TAFA1: variants seen among roughly 807,000 people sequenced by gnomAD.
TAFA1 encodes the protein TAFA chemokine like family member 1.
Under a neutral mutation model 18.5 loss-of-function variants are expected in TAFA1, and 4 were observed. That is an observed-to-expected ratio of 0.22 (90% CI 0.11 to 0.49). The LOEUF (loss-of-function observed/expected upper bound fraction) is 0.49. Among genes scored for constraint, TAFA1 ranks in the 20% least tolerant of loss-of-function variants. TAFA1 has a pLI of 0.98. For synonymous variants in TAFA1, 56 were observed against 55.2 expected, an observed-to-expected ratio of 1.01 and a Z score of -0.06; for missense variants, 147 against 169.0, an observed-to-expected ratio of 0.87 and a Z score of 0.72.
intron 2 of TAFA1, among the ~76,000 whole-genome samples, chr3:68,237,214 A>C (rs1338605107): frequency 6.6e-6 from 1 of 152,180 alleles, no homozygotes; most frequent in Non-Finnish European, 1.5e-5. Context: ...CTTCTGGTTC[A>C]CAGATGGTGT....
At chr3:68,048,769 T>C (rs1575590880) in intron 2 of TAFA1, among the ~76,000 whole-genome samples, 1 of 152,176 alleles carries the variant, frequency 6.6e-6, no homozygotes, top group South Asian at 2.1e-4. Flanking sequence ...ATTCCATTGA[T>C]GTTGCTGCAA....
intron 2 of TAFA1, among the ~76,000 whole-genome samples, chr3:68,015,240 A>T (rs1198640229): frequency 3.3e-5 from 5 of 151,858 alleles, no homozygotes; most frequent in African/African-American, 1.2e-4. Context: ...CAATAGCCTC[A>T]TTTGAATCTC....
chr3:68,083,364 T>C (rs1421350861), intron 2 of TAFA1, among the ~76,000 whole-genome samples: 1 of 152,254 alleles, frequency 6.6e-6, no homozygotes, highest in African/African-American at 2.4e-5. Context: ...CTGTTTTCTA[T>C]AGATTTTATG....
intron 3 of TAFA1, among the ~76,000 whole-genome samples, chr3:68,520,221 T>C (rs2106748913): frequency 6.6e-6 from 1 of 152,328 alleles, no homozygotes; most frequent in South Asian, 2.1e-4. Flanking sequence ...ACCTGTCTTC[T>C]CCACAAATTA....
At chr3:68,050,472 G>A (rs546153145) in intron 2 of TAFA1, among the ~76,000 whole-genome samples, 3 of 152,110 alleles carry the variant, frequency 2.0e-5, no homozygotes, top group Non-Finnish European at 2.9e-5. Context: ...CACCACCATC[G>A]TCTGCTATGG....
At chr3:68,214,724 G>A (rs374291594) in intron 2 of TAFA1, among the ~76,000 whole-genome samples, 95 of 152,186 alleles carry the variant, frequency 6.2e-4, no homozygotes, top group African/African-American at 2.2e-3. Context: ...CTCACAAAAT[G>A]TTAACAGTTA....
chr3:68,027,784 A>G (rs572482902), intron 2 of TAFA1, among the ~76,000 whole-genome samples: 1 of 152,302 alleles, frequency 6.6e-6, no homozygotes, highest in Admixed American at 6.5e-5. Context: ...TAATATATTA[A>G]CTAGTGTTCT....
chr3:68,019,574 A>G (rs1017196178), intron 2 of TAFA1, among the ~76,000 whole-genome samples: 1 of 152,330 alleles, frequency 6.6e-6, no homozygotes, highest in Admixed American at 6.5e-5. Context: ...TATCTAGAAT[A>G]TTGTATAATG....
intron 2 of TAFA1, among the ~76,000 whole-genome samples, chr3:68,304,221 G>A (rs79883793): frequency 0.12 from 18,486 of 152,196 alleles, 1,322 homozygotes; most frequent in East Asian, 0.31. Context: ...ATGAAAAAAT[G>A]TAAAGGAGAA....
At chr3:68,308,655 A>G (rs2068462824) in intron 2 of TAFA1, among the ~76,000 whole-genome samples, 1 of 152,138 alleles carries the variant, frequency 6.6e-6, no homozygotes, top group Non-Finnish European at 1.5e-5. Flanking sequence ...CCTCCTTTAC[A>G]CTTGCATGGA....
intron 2 of TAFA1, among the ~76,000 whole-genome samples, chr3:68,114,956 A>G (rs2065307858): frequency 2.0e-5 from 3 of 152,246 alleles, no homozygotes; most frequent in South Asian, 4.1e-4. Context: ...TATTATTCCA[A>G]TTATATAATG....
intron 2 of TAFA1, among the ~76,000 whole-genome samples, chr3:68,063,633 A>G (rs1478810693): frequency 6.6e-6 from 1 of 152,144 alleles, no homozygotes; most frequent in Non-Finnish European, 1.5e-5. Context: ...GGCTTGAAAA[A>G]TCACTTAGGG....
At chr3:68,042,439 C>G (rs1031722119) in intron 2 of TAFA1, among the ~76,000 whole-genome samples, 5 of 152,106 alleles carry the variant, frequency 3.3e-5, no homozygotes, top group African/African-American at 1.2e-4. Context: ...CACCTGAGGT[C>G]AGGAGTTCAA....
At chr3:68,215,857 A>G (rs1346431132) in intron 2 of TAFA1, among the ~76,000 whole-genome samples, 1 of 152,074 alleles carries the variant, frequency 6.6e-6, no homozygotes. Context: ...TAACCCTCAC[A>G]CACATGTTCA....
intron 2 of TAFA1, among the ~76,000 whole-genome samples, chr3:68,148,663 G>A (rs532349124): frequency 2.6e-5 from 4 of 152,220 alleles, no homozygotes; most frequent in East Asian, 3.9e-4. Context: ...TCCCAACTCC[G>A]GCAGCTTTCC....
intron 2 of TAFA1, among the ~76,000 whole-genome samples, chr3:68,368,272 T>C (rs1038713162): frequency 3.3e-5 from 5 of 152,190 alleles, no homozygotes; most frequent in East Asian, 1.9e-4. Context: ...AATACATTAA[T>C]GTTAGATTAA....
At chr3:68,434,497 C>T (rs924456460) in intron 3 of TAFA1, among the ~76,000 whole-genome samples, 86 of 152,064 alleles carry the variant, frequency 5.7e-4, no homozygotes, top group African/African-American at 2.0e-3. Context: ...GAGCTTTTGC[C>T]CCCTTCTTTG....
chr3:68,170,250 A>C (rs2066035615), intron 2 of TAFA1, among the ~76,000 whole-genome samples: 1 of 152,100 alleles, frequency 6.6e-6, no homozygotes, highest in African/African-American at 2.4e-5. Context: ...CAAGGGAAAA[A>C]CAGTTTTGGG....
intron 3 of TAFA1, among the ~76,000 whole-genome samples, chr3:68,474,786 C>T (rs2072060668): frequency 6.6e-6 from 1 of 152,130 alleles, no homozygotes; most frequent in Non-Finnish European, 1.5e-5. Flanking sequence ...CAAATCATCA[C>T]TAATATATGG....
Sources: gnomAD v4.1 joint callset for allele counts (sites outside exome capture counted in the v4.1 genomes callset) on GRCh38, gnomAD v4.1.1 for gene constraint, MANE v1.5 for transcripts, NCBI Gene and HGNC (gene_info 2026-07-23, HGNC 2026-07-21) for gene names.